The following LRBA variants were observed in gnomAD, a reference collection of about 807,000 sequenced individuals.
LRBA encodes LPS responsive beige-like anchor protein, also known as lipopolysaccharide-responsive and beige-like anchor protein.
A neutral mutation model predicts 330.0 loss-of-function variants in LRBA; 176 were observed. The observed-to-expected ratio is 0.53, with a 90% CI of 0.47 to 0.60. The LOEUF (loss-of-function observed/expected upper bound fraction) is 0.60. Among genes scored for constraint, LRBA ranks in the 20% least tolerant of loss-of-function variants. The probability of loss-of-function intolerance (pLI) is 0.00; values close to 1 mark genes in which losing one functional copy is unlikely to be tolerated. For synonymous variants in LRBA, 1,230 were observed against 1,193.0 expected, an observed-to-expected ratio of 1.03 and a Z score of -0.64; for missense variants, 3,259 against 3,444.8, an observed-to-expected ratio of 0.95 and a Z score of 1.35.
intron 34 of LRBA, among the ~76,000 whole-genome samples, chr4:150,775,360 A>C (rs80195434): frequency 0.028 from 4,199 of 152,100 alleles, 186 homozygotes; most frequent in African/African-American, 0.096. Context: ...GCCTTACTAC[A>C]TCCCCAGTGC....
At chr4:150,364,827 G>A (rs1739214816) in intron 47 of LRBA, among the ~76,000 whole-genome samples, 1 of 151,946 alleles carries the variant, frequency 6.6e-6, no homozygotes, top group Admixed American at 6.6e-5. Flanking sequence ...TGAGCATATA[G>A]TAGATGCCCA....
At chr4:150,743,425 C>T (rs1259228510) in intron 35 of LRBA, among the ~76,000 whole-genome samples, 3 of 151,992 alleles carry the variant, frequency 2.0e-5, no homozygotes, top group Admixed American at 1.3e-4. Flanking sequence ...GTAGATTGTT[C>T]CAAATTGACA....
chr4:150,931,957 C>G (rs1290295548), intron 2 of LRBA, among the ~76,000 whole-genome samples: 4 of 151,878 alleles, frequency 2.6e-5, no homozygotes, highest in African/African-American at 9.7e-5. Context: ...GCCTGTAATC[C>G]CAGCACTTCT....
At chr4:150,502,239 G>A (rs1760380463) in intron 40 of LRBA, among the ~76,000 whole-genome samples, 1 of 152,188 alleles carries the variant, frequency 6.6e-6, no homozygotes, top group Admixed American at 6.5e-5. Context: ...GAGCACTGTA[G>A]AGACTACTCA....
At chr4:150,448,284 C>A (rs1752856743) in intron 44 of LRBA, among the ~76,000 whole-genome samples, 1 of 152,156 alleles carries the variant, frequency 6.6e-6, no homozygotes, top group Non-Finnish European at 1.5e-5. Context: ...TGCAGTTCTA[C>A]CTTCATATAA....
chr4:150,975,846 T>G (rs1007077764), intron 2 of LRBA, among the ~76,000 whole-genome samples: 6 of 151,790 alleles, frequency 4.0e-5, no homozygotes, highest in Non-Finnish European at 1.5e-5. Flanking sequence ...AAGTCTAACA[T>G]ACATGTCACT....
intron 30 of LRBA, among the ~76,000 whole-genome samples, chr4:150,825,937 C>T (rs755863940): frequency 8.6e-5 from 13 of 151,914 alleles, no homozygotes; most frequent in Non-Finnish European, 1.8e-4. Flanking sequence ...AGGAAGTTGG[C>T]AAAGTTGTCA....
chr4:150,690,882 T>A (rs1174028191), intron 36 of LRBA, among the ~76,000 whole-genome samples: 2 of 150,454 alleles, frequency 1.3e-5, no homozygotes, highest in African/African-American at 4.9e-5. Flanking sequence ...CACAAGAATT[T>A]AAAAACTGAC....
rs371855769 is a variant in LRBA at position 150,817,249 on chromosome 4, A to G, written c.5180T>C (p.Ile1727Thr). 18 of 1,611,724 alleles carry G rather than the reference A, an allele frequency of 1.1e-5. No homozygotes were observed. Among genetic ancestry groups the G allele is most frequent in the Middle Eastern group, 1.6e-4 (1 of 6,068 alleles). The change falls in exon 31 of 57, where the codon ATT becomes ACT. Residue 1727 changes from isoleucine to threonine, a missense_variant. Physicochemically the swap from Ile to Thr is moderately conservative, Grantham distance 89 (BLOSUM62 -1). Coordinates refer to ENST00000651943, the MANE Select transcript of LRBA (RefSeq NM_001364905.1). ...VQFRSFDRSV[I>T]VAAKKSAVSP... ...GACTGCTGACTTTTTTGCTGCAACA[A>G]TGACACTTCTGTAATAAAGAAAGTA...
intron 40 of LRBA, among the ~76,000 whole-genome samples, chr4:150,587,793 AG>A (rs1772305010): frequency 6.6e-6 from 1 of 152,108 alleles, no homozygotes; most frequent in African/African-American, 2.4e-5. Context: ...ATGTTCTCGG[AG>A]GTTCCTTCCC....
chr4:150,780,311 T>G (rs1737985992), intron 34 of LRBA, among the ~76,000 whole-genome samples: 1 of 152,198 alleles, frequency 6.6e-6, no homozygotes. Flanking sequence ...AAATAAGGTA[T>G]CTTATGTTTA....
intron 42 of LRBA, among the ~76,000 whole-genome samples, chr4:150,484,886 T>C (rs2152087960): frequency 6.6e-6 from 1 of 152,110 alleles, no homozygotes; most frequent in African/African-American, 2.4e-5. Flanking sequence ...ATATCTCTTC[T>C]AATTTCATCT....
rs1561457583 is a variant in LRBA, at chr4:150,639,793, A to ATG, written c.5922-40663_5922-40662insCA. On this transcript the variant is annotated intron_variant, in intron 37 of 56. Coordinates refer to ENST00000651943, the MANE Select transcript of LRBA (RefSeq NM_001364905.1). ...TATATATATATATATGTGTGTGTGTATATATATATATATGTGTGTGTGTGT... is the reference window on the plus strand; with the variant it reads ...TATATATATATATATGTGTGTGTGTATGTATATATATATATGTGTGTGTGTGT... Among the ~76,000 whole-genome samples the ATG allele has an allele frequency of 3.0e-3, 33 of 11,100 alleles. 2 individuals carry two copies. The highest frequency in any genetic ancestry group is 0.013 in the African/African-American group (33 of 2,574). The allele number at this position is 11,100 out of a possible 152,430, so 7.3% of individuals were successfully genotyped here.
intron 2 of LRBA, among the ~76,000 whole-genome samples, chr4:151,004,362 G>A (rs1406515892): frequency 6.6e-6 from 1 of 152,096 alleles, no homozygotes; most frequent in Admixed American, 6.6e-5. Context: ...CAATACTGCC[G>A]CAATCAATCT....
intron 40 of LRBA, among the ~76,000 whole-genome samples, chr4:150,574,102 A>G (rs752316418): frequency 6.6e-6 from 1 of 152,104 alleles, no homozygotes; most frequent in Non-Finnish European, 1.5e-5. Flanking sequence ...ATATAAACAT[A>G]TATTATTTTT....
chr4:150,429,171 A>C (rs1402400327), intron 46 of LRBA, among the ~76,000 whole-genome samples: 1 of 152,060 alleles, frequency 6.6e-6, no homozygotes, highest in Non-Finnish European at 1.5e-5. Context: ...GTAAAAGTGC[A>C]TGAGGTGATG....
At chr4:150,535,638 G>A (rs1222948013) in intron 40 of LRBA, among the ~76,000 whole-genome samples, 1 of 152,100 alleles carries the variant, frequency 6.6e-6, no homozygotes, top group African/African-American at 2.4e-5. Flanking sequence ...TAATGCTTTG[G>A]TTCATAGATT....
chr4:150,548,596 T>A lies in LRBA; in HGVS notation c.6330+39452A>T. ...ATTAAAATATAAAAATACATCAATA[T>A]TAGTTATTTACCTAATGGTGCTGTT... On this transcript the variant is annotated intron_variant, in intron 40 of 56. Coordinates refer to ENST00000651943, the MANE Select transcript of LRBA (RefSeq NM_001364905.1). 2.0e-5 allele frequency among the ~76,000 whole-genome samples: 3 copies of A among 152,210 alleles called. No individual in the cohort carries two copies. In the South Asian group the frequency reaches 6.2e-4, roughly 32 times the overall value.
At chr4:150,338,556 TG>T (rs530132930) in intron 48 of LRBA, among the ~76,000 whole-genome samples, 9 of 152,294 alleles carry the variant, frequency 5.9e-5, no homozygotes, top group Non-Finnish European at 8.8e-5. Context: ...AGATCTGCCC[TG>T]GTGTCCCTTA....
Sources: allele counts gnomAD v4.1 joint callset (sites outside exome capture counted in the v4.1 genomes callset), GRCh38; gene constraint gnomAD v4.1.1; transcripts MANE v1.5; gene names NCBI Gene and HGNC (gene_info 2026-07-23, HGNC 2026-07-21).